Variants in ENTREP2 observed in about 807,000 individuals in gnomAD.
ENTREP2 encodes endosomal transmembrane epsin interactor 2, also known as protein ENTREP2.
chr15:29,484,914 G>A, the ENTREP2 span, among the ~76,000 whole-genome samples: 1 of 152,206 alleles, frequency 6.6e-6, no homozygotes, highest in African/African-American at 2.4e-5. Flanking sequence ...AACTGGTTAT[G>A]AATTAGAATT....
the ENTREP2 span, among the ~76,000 whole-genome samples, chr15:29,657,485 G>T: frequency 1.3e-3 from 48 of 36,378 alleles, 2 homozygotes; most frequent in South Asian, 0.017. Flanking sequence ...TGGGGGGGCG[G>T]GGGGGGGGGG....
the ENTREP2 span, among the ~76,000 whole-genome samples, chr15:29,332,920 T>C: frequency 3.8e-4 from 56 of 148,962 alleles, no homozygotes; most frequent in African/African-American, 1.1e-3. Flanking sequence ...GATGGCGCCA[T>C]TGCACTCCAG....
the ENTREP2 span, among the ~76,000 whole-genome samples, chr15:29,586,298 G>A: frequency 6.6e-6 from 1 of 152,174 alleles, no homozygotes; most frequent in South Asian, 2.1e-4. Context: ...ATGGCTGTCA[G>A]GGCTGGAAGG....
chr15:29,431,378 T>C, the ENTREP2 span, among the ~76,000 whole-genome samples: 64 of 152,308 alleles, frequency 4.2e-4, no homozygotes, highest in South Asian at 3.1e-3. Context: ...AGGATCCAGC[T>C]GTGTCATTTT....
the ENTREP2 span, among the ~76,000 whole-genome samples, chr15:29,206,116 A>G: frequency 6.6e-6 from 1 of 152,196 alleles, no homozygotes; most frequent in African/African-American, 2.4e-5. Flanking sequence ...GGTGGCTTAT[A>G]AACAGTAGAA....
At chr15:29,492,794 A>G in the ENTREP2 span, among the ~76,000 whole-genome samples, 7,298 of 152,102 alleles carry the variant, frequency 0.048, 550 homozygotes, top group African/African-American at 0.17. Flanking sequence ...ACCTGAGGTC[A>G]GGAGTTCGAG....
At chr15:29,161,892 T>C in the ENTREP2 span, among the ~76,000 whole-genome samples, 1 of 152,056 alleles carries the variant, frequency 6.6e-6, no homozygotes, top group Non-Finnish European at 1.5e-5. Context: ...CCAGATCGAC[T>C]GCAAGAACAA....
the ENTREP2 span, among the ~76,000 whole-genome samples, chr15:29,387,060 C>T: frequency 6.6e-6 from 1 of 152,146 alleles, no homozygotes; most frequent in African/African-American, 2.4e-5. Flanking sequence ...TGAGAGAGGG[C>T]ATCCCTGTCT....
the ENTREP2 span, chr15:29,569,658 A>G: frequency 1.3e-5 from 2 of 152,226 alleles, no homozygotes; most frequent in African/African-American, 4.8e-5. Context: ...TTAATATAGG[A>G]AAAAAACCGA....
chr15:29,628,893 G>A, the ENTREP2 span, among the ~76,000 whole-genome samples: 3 of 152,120 alleles, frequency 2.0e-5, no homozygotes, highest in African/African-American at 7.2e-5. Context: ...GGGATTACAA[G>A]TGGGCGCCAA....
At chr15:29,129,039 G>T in the ENTREP2 span, among the ~76,000 whole-genome samples, 1 of 152,164 alleles carries the variant, frequency 6.6e-6, no homozygotes, top group Non-Finnish European at 1.5e-5. Flanking sequence ...GGTTCAAGTT[G>T]CCCTTGCCAA....
the ENTREP2 span, among the ~76,000 whole-genome samples, chr15:29,364,072 T>G: frequency 3.3e-5 from 5 of 151,974 alleles, no homozygotes; most frequent in African/African-American, 1.2e-4. Context: ...AGAAGAAATA[T>G]GGAAGGAAAA....
At chr15:29,215,336 C>G in the ENTREP2 span, among the ~76,000 whole-genome samples, 1 of 151,698 alleles carries the variant, frequency 6.6e-6, no homozygotes. Context: ...GGTGGGAACA[C>G]TCTAATCAGC....
the ENTREP2 span, chr15:29,233,578 A>G: frequency 4.9e-6 from 3 of 618,032 alleles, no homozygotes; most frequent in Non-Finnish European, 8.5e-6. Context: ...TTTAGTCCAC[A>G]AAATACTGAC....
chr15:29,448,518 T>C, the ENTREP2 span, among the ~76,000 whole-genome samples: 1 of 152,226 alleles, frequency 6.6e-6, no homozygotes, highest in East Asian at 1.9e-4. Context: ...CTTAAGCGAC[T>C]GTTTTCTACA....
chr15:29,620,251 G>A, the ENTREP2 span, among the ~76,000 whole-genome samples: 1 of 152,152 alleles, frequency 6.6e-6, no homozygotes, highest in Non-Finnish European at 1.5e-5. Context: ...AATTGCAGGA[G>A]AAGCTGGTGC....
the ENTREP2 span, among the ~76,000 whole-genome samples, chr15:29,567,691 G>A: frequency 6.6e-6 from 1 of 152,250 alleles, no homozygotes; most frequent in South Asian, 2.1e-4. Flanking sequence ...AGCACCAGCA[G>A]GCAGAGGCCA....
At chr15:29,166,985 G>T in the ENTREP2 span, among the ~76,000 whole-genome samples, 1 of 152,116 alleles carries the variant, frequency 6.6e-6, no homozygotes, top group Non-Finnish European at 1.5e-5. Flanking sequence ...TGGACCAATG[G>T]AACAGAATAC....
At chr15:29,351,815 T>TG in the ENTREP2 span, among the ~76,000 whole-genome samples, 1 of 147,494 alleles carries the variant, frequency 6.8e-6, no homozygotes, top group Non-Finnish European at 1.5e-5. Flanking sequence ...AGCTTTTTTA[T>TG]TTTTTTTTTG....
Sources: gnomAD v4.1 joint callset for allele counts (sites outside exome capture counted in the v4.1 genomes callset) on GRCh38, gnomAD v4.1.1 for gene constraint, MANE v1.5 for transcripts, NCBI Gene and HGNC (gene_info 2026-07-23, HGNC 2026-07-21) for gene names.